STXBP5: variants seen among roughly 807,000 people sequenced by gnomAD.
The protein encoded by STXBP5 is syntaxin-binding protein 5.
Under a neutral mutation model 152.4 loss-of-function variants are expected in STXBP5, and 50 were observed. That is an observed-to-expected ratio of 0.33 (90% CI 0.26 to 0.42). The LOEUF (loss-of-function observed/expected upper bound fraction) is 0.42. Ranked by LOEUF, STXBP5 falls within the 10% of genes least tolerant of loss-of-function variation. STXBP5 has a pLI of 1.00. For missense variants in STXBP5, 1,167 were observed against 1,388.6 expected, an observed-to-expected ratio of 0.84 and a Z score of 2.54; for synonymous variants, 492 against 494.7, an observed-to-expected ratio of 0.99 and a Z score of 0.07.
At chr6:147,377,566 A>T (rs1413658561) in intron 26 of STXBP5, among the ~76,000 whole-genome samples, 1 of 152,174 alleles carries the variant, frequency 6.6e-6, no homozygotes, top group Non-Finnish European at 1.5e-5. Context: ...GTTTGAGATC[A>T]AGGTGCCAGC....
chr6:147,275,406 C>A (rs1416812018), intron 7 of STXBP5, among the ~76,000 whole-genome samples: 3 of 151,806 alleles, frequency 2.0e-5, no homozygotes. Context: ...ACCCTGGATT[C>A]ATCTTGTCCT....
chr6:147,355,195 A>G (rs1784761103), intron 22 of STXBP5, among the ~76,000 whole-genome samples: 1 of 152,178 alleles, frequency 6.6e-6, no homozygotes. Context: ...CAGCCATAGG[A>G]GGCAAACATC....
intron 18 of STXBP5, among the ~76,000 whole-genome samples, chr6:147,327,780 T>TTC (rs1783341790): frequency 6.6e-6 from 1 of 152,132 alleles, no homozygotes; most frequent in Non-Finnish European, 1.5e-5. Flanking sequence ...TATTGCACAT[T>TTC]GAGAAAGAAC....
At chr6:147,271,782 G>A (rs1001454933) in intron 7 of STXBP5, among the ~76,000 whole-genome samples, 2 of 151,830 alleles carry the variant, frequency 1.3e-5, no homozygotes, top group Non-Finnish European at 2.9e-5. Flanking sequence ...ATAAAGAGCC[G>A]AAATCAATGA....
At chr6:147,251,693 G>A (rs546727886) in intron 4 of STXBP5, among the ~76,000 whole-genome samples, 8 of 152,310 alleles carry the variant, frequency 5.3e-5, no homozygotes, top group East Asian at 1.9e-4. Context: ...CCTGCCTGCC[G>A]GCTCTGAAGA....
intron 4 of STXBP5, among the ~76,000 whole-genome samples, chr6:147,241,481 C>T (rs1778539760): frequency 2.0e-5 from 3 of 152,120 alleles, no homozygotes; most frequent in Admixed American, 6.5e-5. Flanking sequence ...TTTCCTGTCT[C>T]TGTAGTTTTT....
chr6:147,275,979 A>G (rs534877950), intron 7 of STXBP5, among the ~76,000 whole-genome samples: 5 of 152,248 alleles, frequency 3.3e-5, no homozygotes, highest in East Asian at 1.9e-4. Flanking sequence ...TATATCTCAT[A>G]TCTTCTCCCA....
At chr6:147,304,552 G>C (rs954363505) in intron 9 of STXBP5, among the ~76,000 whole-genome samples, 1 of 152,128 alleles carries the variant, frequency 6.6e-6, no homozygotes, top group African/African-American at 2.4e-5. Flanking sequence ...ACACTGCCTA[G>C]TAGAGCTGTG....
At chr6:147,354,284 A>G (rs895403788) in intron 22 of STXBP5, among the ~76,000 whole-genome samples, 2 of 152,198 alleles carry the variant, frequency 1.3e-5, no homozygotes, top group African/African-American at 4.8e-5. Context: ...TTATGCTGAT[A>G]GAAAGCATGT....
chr6:147,335,991 A>G lies in STXBP5; in HGVS notation c.2146+1769A>G, dbSNP rs372774227. ...TTCTATCTCAGCATGTTTGAAATGCAAAGTAAAAATTGCGACTTCAAAAAA... is the reference window on the plus strand; with the variant it reads ...TTCTATCTCAGCATGTTTGAAATGCGAAGTAAAAATTGCGACTTCAAAAAA... On this transcript the variant is annotated intron_variant, in intron 19 of 27. Coordinates refer to ENST00000321680, the MANE Select transcript of STXBP5 (RefSeq NM_001127715.4). 8.3e-4 allele frequency among the ~76,000 whole-genome samples: 127 copies of G among 152,362 alleles called. 1 individual carries two copies. The highest frequency in any genetic ancestry group is 2.9e-3 in the African/African-American group (121 of 41,596).
chr6:147,284,321 A>G lies in STXBP5; in HGVS notation c.838+6117A>G, dbSNP rs563321204. 2.0e-3 allele frequency among the ~76,000 whole-genome samples: 301 copies of G among 152,282 alleles called. 2 individuals carry two copies. The highest frequency in any genetic ancestry group is 7.0e-3 in the African/African-American group (290 of 41,550). ...TTCCTCATCCTAACTGGCAAAATTA[A>G]AACTTTAGAAAGCAACTGTTTTTGT... On this transcript the variant is annotated intron_variant, in intron 8 of 27. Transcript: ENST00000321680.
rs574222639 is a variant in STXBP5 at position 147,242,223 on chromosome 6, A to T, written c.431+2953A>T. Among the ~76,000 whole-genome samples the T allele has an allele frequency of 4.6e-5, 7 of 152,026 alleles. No homozygotes were observed. In the East Asian group the frequency reaches 1.2e-3, roughly 25 times the overall value. On this transcript the variant is annotated intron_variant, in intron 4 of 27. Coordinates refer to ENST00000321680, the MANE Select transcript of STXBP5 (RefSeq NM_001127715.4). Reference sequence around the variant, plus strand: ...AAAAGTAAAAATAAATTAAACATATAAAAAAGCTTATGGAATAAGGATATA... The same window carrying T: ...AAAAGTAAAAATAAATTAAACATATTAAAAAGCTTATGGAATAAGGATATA...
At chr6:147,253,173 A>G (rs192996854) in intron 4 of STXBP5, among the ~76,000 whole-genome samples, 1 of 152,342 alleles carries the variant, frequency 6.6e-6, no homozygotes, top group Non-Finnish European at 1.5e-5. Context: ...AATCAATAAA[A>G]GTAATCCATC....
chr6:147,237,600 T>TA (rs1467856527), intron 3 of STXBP5, among the ~76,000 whole-genome samples: 1 of 152,226 alleles, frequency 6.6e-6, no homozygotes, highest in Non-Finnish European at 1.5e-5. Context: ...GTGATGTAGA[T>TA]AAAACGATGC....
chr6:147,351,215 G>A (rs1372415640), intron 21 of STXBP5, among the ~76,000 whole-genome samples: 1 of 152,200 alleles, frequency 6.6e-6, no homozygotes, highest in East Asian at 1.9e-4. Context: ...AGCCCCAGAG[G>A]ACAGAATCAG....
At chr6:147,347,922 A>C (rs1784412077) in intron 21 of STXBP5, among the ~76,000 whole-genome samples, 1 of 152,192 alleles carries the variant, frequency 6.6e-6, no homozygotes, top group African/African-American at 2.4e-5. Context: ...ATGTTCAATT[A>C]ATTTAATGAT....
At chr6:147,281,507 C>T (rs1422381849) in intron 8 of STXBP5, among the ~76,000 whole-genome samples, 1 of 152,208 alleles carries the variant, frequency 6.6e-6, no homozygotes, top group East Asian at 1.9e-4. Context: ...TCTACTTTCT[C>T]ATTACTATTG....
intron 26 of STXBP5, among the ~76,000 whole-genome samples, chr6:147,377,881 A>C (rs1785886556): frequency 6.6e-6 from 1 of 152,184 alleles, no homozygotes; most frequent in Non-Finnish European, 1.5e-5. Context: ...TTTTGAAACG[A>C]AGCACGAAAA....
chr6:147,359,295 T>G lies in STXBP5; in HGVS notation c.2517T>G (p.Leu839=). Residue 839 remains leucine (L), a synonymous_variant, in exon 23 of 28, where the codon CTT becomes CTG. Coordinates refer to ENST00000321680, the MANE Select transcript of STXBP5 (RefSeq NM_001127715.4). The part of the protein sequence containing the change: ...LNLPPGGEQR[L]LQPVIVSPSG... ...TTCCCCCAGGGGGAGAGCAAAGACTTCTTCAGCCAGTAATTGTGTCTCCAA... is the reference window on the plus strand; with the variant it reads ...TTCCCCCAGGGGGAGAGCAAAGACTGCTTCAGCCAGTAATTGTGTCTCCAA... 6.2e-7 allele frequency: 1 copy of G among 1,613,860 alleles called. No homozygotes were observed. Among genetic ancestry groups the G allele is most frequent in the Non-Finnish European group, 8.5e-7 (1 of 1,179,810 alleles).
Sources: gnomAD v4.1 joint callset for allele counts (sites outside exome capture counted in the v4.1 genomes callset) on GRCh38, gnomAD v4.1.1 for gene constraint, MANE v1.5 for transcripts, NCBI Gene and HGNC (gene_info 2026-07-23, HGNC 2026-07-21) for gene names.